Variants in PTPRD observed in about 807,000 individuals in gnomAD.
The protein encoded by PTPRD is protein tyrosine phosphatase receptor type D.
PTPRD carries 34 observed loss-of-function variants against 214.5 expected under a neutral mutation model. The ratio of observed to expected loss-of-function variants is 0.16; its 90% confidence interval spans 0.12 to 0.21. PTPRD has a LOEUF of 0.21. Ranked by LOEUF, PTPRD falls within the 10% of genes least tolerant of loss-of-function variation. The pLI, the probability that PTPRD is intolerant of heterozygous loss-of-function variation, is 1.00. For synonymous variants in PTPRD, 1,128 were observed against 845.7 expected (o/e 1.33, Z -5.79); for missense variants, 2,545 against 2,398.7 (o/e 1.06, Z -1.27).
In PTPRD at chr9:8,887,527, T is replaced by C. The variant is rs377675397; in HGVS notation, c.-104+131170A>G. Among the ~76,000 whole-genome samples, 27 of 152,328 alleles carry C rather than the reference T, an allele frequency of 1.8e-4. 1 individual carries two copies. The East Asian group carries it at 4.8e-3, about 27-fold the overall frequency. ...TTTTAAATCTGAACTTCTTACTTAC[T>C]GGCCTGGTCTGTTGCAAACATCAAT... On this transcript the variant is annotated intron_variant, in intron 11 of 45. Transcript: ENST00000381196.
intron 21 of PTPRD, among the ~76,000 whole-genome samples, chr9:8,510,359 G>A (rs954260254): frequency 6.6e-6 from 1 of 152,146 alleles, no homozygotes; most frequent in Non-Finnish European, 1.5e-5. Flanking sequence ...GCTCAGAGGT[G>A]TCAGGTAATT....
chr9:10,346,622 T>C (rs56692606), intron 2 of PTPRD, among the ~76,000 whole-genome samples: 1,807 of 152,344 alleles, frequency 0.012, 43 homozygotes, highest in African/African-American at 0.041. Context: ...TGAGGCATTA[T>C]CTTTTTCCAT....
chr9:10,026,100 T>C (rs1208073436), intron 4 of PTPRD, among the ~76,000 whole-genome samples: 1 of 152,206 alleles, frequency 6.6e-6, no homozygotes, highest in Non-Finnish European at 1.5e-5. Flanking sequence ...AAACCACAAA[T>C]GTACTGATGA....
chr9:8,975,390 G>A (rs2099262675), intron 11 of PTPRD, among the ~76,000 whole-genome samples: 1 of 151,996 alleles, frequency 6.6e-6, no homozygotes, highest in East Asian at 1.9e-4. Context: ...CTTGTGTGAA[G>A]CTGGTAATAT....
In PTPRD at chr9:9,798,013, A is replaced by G. The variant is rs1335858868; in HGVS notation, c.-367-31162T>C. Among the ~76,000 whole-genome samples the G allele has an allele frequency of 1.3e-5, 2 of 152,214 alleles. 1 individual carries two copies. Among genetic ancestry groups the G allele is most frequent in the Non-Finnish European group, 2.9e-5 (2 of 68,036 alleles). ...CATATTAGAGATACATATTTCAGCA[A>G]AATTTGAAAAAGTCAAAAGACGATT... On this transcript the variant is annotated intron_variant, in intron 5 of 45. Transcript: ENST00000381196.
chr9:8,478,497 GGT>G, intron 30 of PTPRD, among the ~76,000 whole-genome samples: 1 of 151,300 alleles, frequency 6.6e-6, no homozygotes, highest in East Asian at 1.9e-4. Flanking sequence ...AGTACCTTCT[GGT>G]AGTTTTTTCT....
intron 14 of PTPRD, among the ~76,000 whole-genome samples, chr9:8,555,979 G>T (rs2083619643): frequency 6.6e-6 from 1 of 152,300 alleles, no homozygotes; most frequent in African/African-American, 2.4e-5. Flanking sequence ...TCTCTGATGT[G>T]GAACAAGGAC....
chr9:8,829,556 C>A (rs1426921605), intron 11 of PTPRD, among the ~76,000 whole-genome samples: 1 of 152,126 alleles, frequency 6.6e-6, no homozygotes, highest in Non-Finnish European at 1.5e-5. Flanking sequence ...TTTATCATAA[C>A]ACACATCACA....
intron 2 of PTPRD, among the ~76,000 whole-genome samples, chr9:10,431,656 A>T (rs1207707797): frequency 1.3e-5 from 2 of 152,148 alleles, no homozygotes; most frequent in Non-Finnish European, 2.9e-5. Flanking sequence ...AAAAGAAGAC[A>T]TTTATGCAGC....
At position 8,315,299 on chromosome 9, in the gene PTPRD, G is replaced by C. The variant is rs1328197697; in HGVS notation, c.*2575C>G. On this transcript the variant is annotated 3_prime_UTR_variant, in exon 46 of 46. Coordinates refer to ENST00000381196, the MANE Select transcript of PTPRD (RefSeq NM_002839.4). ...TGCATCCCATTCATTTTCTTCTTCT[G>C]ATTATTGTCATCTTTCCCTTTGCCA... 4.3e-6 allele frequency: 1 copy of C among 232,558 alleles called. No individual in the cohort carries two copies. Among genetic ancestry groups the C allele is most frequent in the Non-Finnish European group, 8.5e-6 (1 of 117,410 alleles). The allele number at this position is 232,558 out of a possible 1,614,324, so 14.4% of individuals were successfully genotyped here. A position where few individuals can be genotyped will look rare whatever the true frequency, so the allele number is the denominator to read the frequency against.
At chr9:9,849,267 A>G (rs566547184) in intron 5 of PTPRD, among the ~76,000 whole-genome samples, 1 of 152,036 alleles carries the variant, frequency 6.6e-6, no homozygotes, top group East Asian at 1.9e-4. Flanking sequence ...GTATAAGGAG[A>G]GCTTTAGGAA....
At chr9:9,108,999 C>T (rs1316384926) in intron 10 of PTPRD, among the ~76,000 whole-genome samples, 1 of 152,122 alleles carries the variant, frequency 6.6e-6, no homozygotes, top group Non-Finnish European at 1.5e-5. Flanking sequence ...TTGCAAAGTG[C>T]TATTCGTTTA....
At chr9:8,431,789 T>C (rs1300864560) in intron 35 of PTPRD, among the ~76,000 whole-genome samples, 2 of 152,200 alleles carry the variant, frequency 1.3e-5, no homozygotes. Context: ...ACCAGGAATT[T>C]CAATTTTATT....
intron 5 of PTPRD, among the ~76,000 whole-genome samples, chr9:9,783,313 T>A (rs1225863060): frequency 6.6e-6 from 1 of 152,188 alleles, no homozygotes; most frequent in Non-Finnish European, 1.5e-5. Context: ...ATTTCCAATT[T>A]CTTTCTTGCA....
At chr9:10,081,533 A>G (rs1364789083) in intron 3 of PTPRD, among the ~76,000 whole-genome samples, 1 of 152,022 alleles carries the variant, frequency 6.6e-6, no homozygotes, top group South Asian at 2.1e-4. Context: ...TCTTTCTACA[A>G]AGTGAGTAGA....
intron 11 of PTPRD, among the ~76,000 whole-genome samples, chr9:8,873,242 T>C (rs2098333045): frequency 2.0e-5 from 3 of 152,220 alleles, no homozygotes; most frequent in Admixed American, 1.3e-4. Context: ...AATCTTTATA[T>C]ACATGGCCTC....
chr9:8,558,437 G>A (rs1564333937), intron 14 of PTPRD, among the ~76,000 whole-genome samples: 1 of 152,064 alleles, frequency 6.6e-6, no homozygotes, highest in Non-Finnish European at 1.5e-5. Context: ...AAGTCTCACA[G>A]AGCCATGCCA....
intron 2 of PTPRD, among the ~76,000 whole-genome samples, chr9:10,471,020 A>T (rs1190185984): frequency 6.6e-6 from 1 of 152,156 alleles, no homozygotes; most frequent in African/African-American, 2.4e-5. Flanking sequence ...AGCTGGAAAC[A>T]TCATTCTCAG....
intron 14 of PTPRD, among the ~76,000 whole-genome samples, chr9:8,617,362 G>A (rs1375645199): frequency 6.6e-6 from 1 of 152,112 alleles, no homozygotes; most frequent in Admixed American, 6.6e-5. Context: ...GCACTTCTCA[G>A]GAGAGAGAAC....
Sources: allele counts gnomAD v4.1 joint callset (sites outside exome capture counted in the v4.1 genomes callset), GRCh38; gene constraint gnomAD v4.1.1; transcripts MANE v1.5; gene names NCBI Gene and HGNC (gene_info 2026-07-23, HGNC 2026-07-21).